Variants in GPBP1L1 observed in about 807,000 individuals in gnomAD.
The protein encoded by GPBP1L1 is GC-rich promoter binding protein 1 like 1, also known as vasculin-like protein 1.
A neutral mutation model predicts 52.5 loss-of-function variants in GPBP1L1; 23 were observed. That is an observed-to-expected ratio of 0.44 (90% CI 0.32 to 0.62). The LOEUF (loss-of-function observed/expected upper bound fraction) is 0.62, where lower values mean the gene tolerates loss of function less well. Among genes scored for constraint, GPBP1L1 ranks in the 20% least tolerant of loss-of-function variants. The pLI is 0.06. For synonymous variants in GPBP1L1, 243 were observed against 203.1 expected, an observed-to-expected ratio of 1.20 and a Z score of -1.67; for missense variants, 596 against 579.3, an observed-to-expected ratio of 1.03 and a Z score of -0.30.
intron 6 of GPBP1L1, among the ~76,000 whole-genome samples, chr1:45,649,371 T>C (rs993873486): frequency 2.1e-4 from 32 of 152,180 alleles, no homozygotes; most frequent in Admixed American, 1.9e-3. Flanking sequence ...TTTTGCAAAA[T>C]GGTTTTGCCT....
At chr1:45,629,454 T>TTGCCCCCCCCCCC (rs758811981) in intron 12 of GPBP1L1, 122 bp downstream of exon 12, 1 of 117,288 alleles carries the variant, frequency 8.5e-6, no homozygotes, top group Non-Finnish European at 1.6e-5. Flanking sequence ...ACTAAGGTAA[T>TTGCCCCCCCCCCC]CCCCCCCCCC....
intron 8 of GPBP1L1, chr1:45,635,634 T>A (rs1174775764): frequency 1.3e-5 from 2 of 152,202 alleles, no homozygotes; most frequent in African/African-American, 4.8e-5. Context: ...CACACCTGTT[T>A]TTATTAGATG....
intron 10 of GPBP1L1, 149 bp from the exon 11 acceptor site, chr1:45,630,755 G>C (rs969463509): frequency 2.8e-6 from 2 of 717,802 alleles, no homozygotes; most frequent in African/African-American, 4.1e-5. Flanking sequence ...TACAAATGAG[G>C]ACCTGCTGCA....
At chr1:45,642,942 C>T (rs897989781) in intron 6 of GPBP1L1, among the ~76,000 whole-genome samples, 6 of 151,982 alleles carry the variant, frequency 3.9e-5, no homozygotes, top group Admixed American at 3.9e-4. Flanking sequence ...GACCATATGC[C>T]AAGGACTGTG....
chr1:45,681,812 G>T (rs1569897504), intron 2 of GPBP1L1, among the ~76,000 whole-genome samples: 1 of 152,310 alleles, frequency 6.6e-6, no homozygotes, highest in South Asian at 2.1e-4. Context: ...CAGCAAAGCT[G>T]AGATTCGAAC....
intron 6 of GPBP1L1, chr1:45,651,353 T>C (rs1320945844): frequency 2.6e-6 from 1 of 377,520 alleles, no homozygotes; most frequent in East Asian, 6.5e-5. Flanking sequence ...ATCCATGTCA[T>C]ATGCAATCAC....
chr1:45,636,877 T>C (rs910821266), intron 8 of GPBP1L1, among the ~76,000 whole-genome samples: 3 of 152,206 alleles, frequency 2.0e-5, no homozygotes, highest in South Asian at 2.1e-4. Flanking sequence ...TCTGGAACAG[T>C]AGAAAGAGCC....
chr1:45,630,377 C>T, intron 11 of GPBP1L1, 105 bp downstream of exon 11: 1 of 1,347,246 alleles, frequency 7.4e-7, no homozygotes, highest in Non-Finnish European at 1.0e-6. Context: ...GACTGGGCCA[C>T]TTCTCTCTGC....
At chr1:45,635,094 T>A (rs1644577511) in intron 8 of GPBP1L1, 1 of 152,204 alleles carries the variant, frequency 6.6e-6, no homozygotes, top group Admixed American at 6.5e-5. Flanking sequence ...GGAATTAACT[T>A]TACTATCTAC....
chr1:45,679,971 G>C (rs1166403702), intron 2 of GPBP1L1, among the ~76,000 whole-genome samples: 2 of 150,848 alleles, frequency 1.3e-5, no homozygotes, highest in African/African-American at 2.4e-5. Context: ...TGGGGGCCCA[G>C]GATGAAGCTG....
intron 2 of GPBP1L1, among the ~76,000 whole-genome samples, chr1:45,667,342 C>G (rs1339602340): frequency 6.6e-6 from 1 of 152,176 alleles, no homozygotes; most frequent in Non-Finnish European, 1.5e-5. Context: ...AATACTTGAT[C>G]CAACCATTCA....
intron 6 of GPBP1L1, among the ~76,000 whole-genome samples, chr1:45,643,134 C>T (rs940989386): frequency 6.6e-6 from 1 of 152,142 alleles, no homozygotes; most frequent in Non-Finnish European, 1.5e-5. Context: ...TCAGAAAAGG[C>T]TTTACTAACA....
intron 2 of GPBP1L1, among the ~76,000 whole-genome samples, chr1:45,672,038 C>T (rs569600877): frequency 6.6e-6 from 1 of 152,152 alleles, no homozygotes; most frequent in African/African-American, 2.4e-5. Context: ...CTAAACTTTT[C>T]TCCATAAAGA....
chr1:45,648,214 A>G (rs1341255109), intron 6 of GPBP1L1, among the ~76,000 whole-genome samples: 4 of 152,170 alleles, frequency 2.6e-5, no homozygotes, highest in Non-Finnish European at 1.5e-5. Flanking sequence ...TGCTGCAATC[A>G]CAGGCGTGAG....
chr1:45,654,908 A>T, intron 5 of GPBP1L1, 79 bp from the exon 6 acceptor site: 1 of 1,344,472 alleles, frequency 7.4e-7, no homozygotes, highest in Non-Finnish European at 1.0e-6. Flanking sequence ...GGCCTTCAGG[A>T]GACCTCGTTA....
chr1:45,669,906 T>C (rs1397957489), intron 2 of GPBP1L1, among the ~76,000 whole-genome samples: 3 of 152,214 alleles, frequency 2.0e-5, no homozygotes, highest in Non-Finnish European at 4.4e-5. Context: ...CTTTTTAGTA[T>C]TTCCCTGTAT....
At chr1:45,648,664 T>G (rs1289624883) in intron 6 of GPBP1L1, among the ~76,000 whole-genome samples, 1 of 152,358 alleles carries the variant, frequency 6.6e-6, no homozygotes, top group South Asian at 2.1e-4. Flanking sequence ...TGCTTTGACG[T>G]AGATGGCATC....
At chr1:45,667,082 T>C (rs1645018926) in intron 2 of GPBP1L1, among the ~76,000 whole-genome samples, 1 of 152,122 alleles carries the variant, frequency 6.6e-6, no homozygotes, top group African/African-American at 2.4e-5. Context: ...AAAATTTAGT[T>C]TGGGGTAAGA....
At position 45,634,119 on chromosome 1, in the gene GPBP1L1, C is replaced by T. The variant is rs778695894; in HGVS notation, c.862G>A (p.Ala288Thr). ...VTKPVVLASG[A>T]ALSSPKESPS... ...ACCTCTTTGGGAGAACTCAGAGCTG[C>T]ACCACTAGCCAGTACCACTGGTTTG... Residue 288 changes from alanine (A) to threonine (T), a missense_variant, in exon 9 of 13, where the codon GCA (alanine) becomes ACA (threonine). Physicochemically the swap from Ala to Thr is moderately conservative, Grantham distance 58 (BLOSUM62 0). Coordinates refer to ENST00000355105, the MANE Select transcript of GPBP1L1 (RefSeq NM_021639.5). 2 of 1,612,634 alleles carry T rather than the reference C, an allele frequency of 1.2e-6. No homozygotes were observed. The highest frequency in any genetic ancestry group is 1.1e-5 in the South Asian group (1 of 90,968).
Sources: allele counts gnomAD v4.1 joint callset (sites outside exome capture counted in the v4.1 genomes callset), GRCh38; gene constraint gnomAD v4.1.1; transcripts MANE v1.5; gene names NCBI Gene and HGNC (gene_info 2026-07-23, HGNC 2026-07-21).